Variants in CASP2 observed in about 807,000 individuals in gnomAD.
CASP2 encodes caspase 2.
Under a neutral mutation model 54.4 loss-of-function variants are expected in CASP2, and 38 were observed. The ratio of observed to expected loss-of-function variants is 0.70; its 90% CI spans 0.54 to 0.92. The LOEUF (loss-of-function observed/expected upper bound fraction) is 0.92. Among genes scored for constraint, CASP2 ranks in the 40% least tolerant of loss-of-function variants. The probability of loss-of-function intolerance (pLI) is 0.00; values close to 1 mark genes in which losing one functional copy is unlikely to be tolerated. For missense variants in CASP2, 512 were observed against 579.6 expected, an observed-to-expected ratio of 0.88 and a Z score of 1.20; for synonymous variants, 215 against 216.3, an observed-to-expected ratio of 0.99 and a Z score of 0.05.
At chr7:143,292,196 A>G (rs1016576279) in intron 2 of CASP2, 104 bp from the exon 3 acceptor site, 9 of 1,174,764 alleles carry the variant, frequency 7.7e-6, no homozygotes, top group Middle Eastern at 2.5e-4. Flanking sequence ...CTTTTCCTGT[A>G]AAAAGAATTC....
intron 6 of CASP2, 90 bp from the exon 7 acceptor site, chr7:143,299,832 TA>T: frequency 7.0e-7 from 1 of 1,438,228 alleles, no homozygotes; most frequent in Non-Finnish European, 9.8e-7. Context: ...TTTTATCTTC[TA>T]ATAGCTTAGG....
rs890271928 is a variant in CASP2, at chr7:143,305,215, A to G, written c.*144A>G. ...CCCAGACTTGTTTCCTGTGCCCATC[A>G]TCTCTGCCTTTGAGTGTGGGACTCC... On this transcript the variant is annotated 3_prime_UTR_variant, in exon 11 of 11. Transcript: ENST00000310447. The G allele has an allele frequency of 1.6e-5, 17 of 1,075,200 alleles. No homozygotes were observed. The highest frequency in any genetic ancestry group is 2.4e-5 in the Non-Finnish European group (17 of 723,248). The allele number at this position is 1,075,200 out of a possible 1,614,324, so 66.6% of individuals were successfully genotyped here.
chr7:143,290,346 G>A (rs1387204624), intron 1 of CASP2, among the ~76,000 whole-genome samples: 1 of 152,118 alleles, frequency 6.6e-6, no homozygotes, highest in Admixed American at 6.5e-5. Context: ...ACAGGCATGA[G>A]CCACCGTGCC....
chr7:143,294,230 A>G lies in CASP2; in HGVS notation c.476A>G (p.Asp159Gly). The change falls in exon 5 of 11, where the codon GAT becomes GGT. Residue 159 changes from aspartate (D) to glycine (G), a missense_variant and splice_region_variant. By Grantham distance (94) the Asp-to-Gly change is moderately conservative. Transcript: ENST00000310447. Reference protein sequence around the residue: ...PLYKKLRLSTDTVEHSLDNKD... With the variant: ...PLYKKLRLSTGTVEHSLDNKD... ...TTTTGGTTTTCTGTCTATACCACAGATACTGTGGAACACTCCCTAGACAAT... is the reference window on the plus strand; with the variant it reads ...TTTTGGTTTTCTGTCTATACCACAGGTACTGTGGAACACTCCCTAGACAAT... The G allele has an allele frequency of 6.3e-7, 1 of 1,578,768 alleles. No individual in the cohort carries two copies.
chr7:143,289,654 C>T, intron 1 of CASP2: 3 of 971,962 alleles, frequency 3.1e-6, no homozygotes, highest in Non-Finnish European at 3.7e-6. Context: ...TGCTGCACCA[C>T]TGGTTAGTAT....
In CASP2 at chr7:143,307,118, T is replaced by A. The variant is rs1802087182; in HGVS notation, c.*2047T>A. On this transcript the variant is annotated 3_prime_UTR_variant, in exon 11 of 11. Transcript: ENST00000310447. ...CCCTTCAGTCCCTGAGCAGTCTACT[T>A]CTGTGTCTGTCACCACATCTTGTCT... The A allele has an allele frequency of 1.3e-5, 2 of 152,248 alleles. No homozygotes were observed. The highest frequency in any genetic ancestry group is 2.4e-5 in the African/African-American group (1 of 41,456). The allele number at this position is 152,248 out of a possible 1,614,324, so 9.4% of individuals were successfully genotyped here. A position where few individuals can be genotyped will look rare whatever the true frequency, so the allele number is the denominator to read the frequency against.
intron 8 of CASP2, chr7:143,301,551 A>G (rs1324037287): frequency 6.6e-6 from 1 of 152,222 alleles, no homozygotes; most frequent in Non-Finnish European, 1.5e-5. Flanking sequence ...AGGAGTATGC[A>G]GTAAGAGTAG....
In CASP2 at chr7:143,294,688, G is replaced by C. The variant is rs768423973; in HGVS notation, c.662G>C (p.Gly221Ala). The C allele has an allele frequency of 2.5e-6, 4 of 1,614,182 alleles. No individual in the cohort carries two copies. Among genetic ancestry groups the C allele is most frequent in the South Asian group, 1.1e-5 (1 of 91,080 alleles). ...GAGAAAGAACTGGAATTTCGCTCTG[G>C]AGGGGATGTGGACCACAGTACTCTA... ...TGEKELEFRS[G>A]GDVDHSTLVT... The change falls in exon 6 of 11, where the codon GGA becomes GCA. Residue 221 changes from glycine to alanine, a missense_variant. Physicochemically the swap from Gly to Ala is moderately conservative, Grantham distance 60 (BLOSUM62 0). Coordinates refer to ENST00000310447, the MANE Select transcript of CASP2 (RefSeq NM_032982.4).
intron 2 of CASP2, among the ~76,000 whole-genome samples, chr7:143,292,074 A>G (rs890042510): frequency 6.6e-6 from 1 of 152,010 alleles, no homozygotes; most frequent in African/African-American, 2.4e-5. Flanking sequence ...CACCACACCC[A>G]GCTGGATGTT....
chr7:143,294,721 T>A lies in CASP2; in HGVS notation c.695T>A (p.Leu232His). 1 of 1,614,212 alleles carries A rather than the reference T, an allele frequency of 6.2e-7. No individual in the cohort carries two copies. The highest frequency in any genetic ancestry group is 8.5e-7 in the Non-Finnish European group (1 of 1,180,046). ...GTGGACCACAGTACTCTAGTCACCC[T>A]CTTCAAGCTTTTGGGCTATGACGTC... ...GDVDHSTLVT[L>H]FKLLGYDVHV... The change falls in exon 6 of 11, where the codon CTC becomes CAC. Residue 232 changes from leucine to histidine, a missense_variant. Leu to His is a moderately conservative substitution (Grantham distance 99). Coordinates refer to ENST00000310447, the MANE Select transcript of CASP2 (RefSeq NM_032982.4).
At chr7:143,299,594 A>AGGATG (rs1213412348) in intron 6 of CASP2, among the ~76,000 whole-genome samples, 2 of 152,226 alleles carry the variant, frequency 1.3e-5, no homozygotes, top group Non-Finnish European at 2.9e-5. Flanking sequence ...GCTCTAATGA[A>AGGATG]GGATCTGGTT....
At chr7:143,299,532 T>C (rs531950517) in intron 6 of CASP2, among the ~76,000 whole-genome samples, 122 of 152,362 alleles carry the variant, frequency 8.0e-4, no homozygotes, top group African/African-American at 2.5e-3. Flanking sequence ...ATGTTACTTA[T>C]TCATAGCTAC....
rs1802042405 is a variant in CASP2 at position 143,305,654 on chromosome 7, C to A, written c.*583C>A. ...CGTTCCCTTCAGTACTGCAGCGCCACCCAGTGGAAGGACACTCTTGGCTCG... is the reference window on the plus strand; with the variant it reads ...CGTTCCCTTCAGTACTGCAGCGCCAACCAGTGGAAGGACACTCTTGGCTCG... On this transcript the variant is annotated 3_prime_UTR_variant, in exon 11 of 11. Coordinates refer to ENST00000310447, the MANE Select transcript of CASP2 (RefSeq NM_032982.4). 1 of 169,750 alleles carries A rather than the reference C, an allele frequency of 5.9e-6. No individual in the cohort carries two copies. Among genetic ancestry groups the A allele is most frequent in the Admixed American group, 5.5e-5 (1 of 18,314 alleles). 10.5% of individuals were successfully genotyped at this position (169,750 alleles called of 1,614,324 possible).
At chr7:143,300,467 T>C in intron 8 of CASP2, 173 bp downstream of exon 8, 1 of 1,595,080 alleles carries the variant, frequency 6.3e-7, no homozygotes, top group Non-Finnish European at 8.5e-7. Context: ...GCATGGGGTG[T>C]GCTGGGACTT....
Position 143,306,671 on chromosome 7 carries a change from T to C in CASP2, c.*1600T>C, listed in dbSNP as rs149837738. ...ATTTTTTTTGGTTGTTTGCTGTTTT[T>C]TGTTTTTTAAGGTGAGTTCTCACTA... On this transcript the variant is annotated 3_prime_UTR_variant, in exon 11 of 11. Coordinates refer to ENST00000310447, the MANE Select transcript of CASP2 (RefSeq NM_032982.4). 6.6e-6 allele frequency: 1 copy of C among 152,280 alleles called. No individual in the cohort carries two copies. Among genetic ancestry groups the C allele is most frequent in the East Asian group, 1.9e-4 (1 of 5,176 alleles). 9.4% of individuals were successfully genotyped at this position (152,280 alleles called of 1,614,324 possible).
rs748206196 is a variant in CASP2, at chr7:143,304,770, A to T, written c.1214A>T (p.Asp405Val). The T allele has an allele frequency of 5.6e-6, 9 of 1,613,964 alleles. No homozygotes were observed. Among genetic ancestry groups the T allele is most frequent in the African/African-American group, 1.3e-5 (1 of 74,922 alleles). ...CGGGCTTGTGATATGCACGTGGCCG[A>T]CATGCTGGTTAAGGTGAGCCAGCGG... ...SERACDMHVA[D>V]MLVKVNALIK... The change falls in exon 10 of 11, where the codon GAC becomes GTC. Residue 405 changes from aspartate to valine, a missense_variant. Coordinates refer to ENST00000310447, the MANE Select transcript of CASP2 (RefSeq NM_032982.4).
intron 6 of CASP2, among the ~76,000 whole-genome samples, chr7:143,295,992 T>C (rs908010376): frequency 1.3e-5 from 2 of 152,194 alleles, no homozygotes; most frequent in African/African-American, 2.4e-5. Context: ...GTGTGTGTTT[T>C]CTTAGAGGTT....
At chr7:143,298,025 A>G (rs1801807128) in intron 6 of CASP2, among the ~76,000 whole-genome samples, 1 of 152,252 alleles carries the variant, frequency 6.6e-6, no homozygotes, top group Admixed American at 6.5e-5. Context: ...ATTATCTACA[A>G]ACAGAAGTAT....
At chr7:143,303,660 G>A in intron 8 of CASP2, 124 bp from the exon 9 acceptor site, 1 of 765,830 alleles carries the variant, frequency 1.3e-6, no homozygotes, top group Non-Finnish European at 2.3e-6. Flanking sequence ...CCATAGGTTG[G>A]AGGCAACAGC....
Sources: allele counts gnomAD v4.1 joint callset (sites outside exome capture counted in the v4.1 genomes callset), GRCh38; gene constraint gnomAD v4.1.1; transcripts MANE v1.5; gene names NCBI Gene and HGNC (gene_info 2026-07-23, HGNC 2026-07-21).